ZNF566: variants seen among roughly 807,000 people sequenced by gnomAD.
ZNF566 encodes zinc finger protein 566.
In ZNF566, 27 loss-of-function variants were observed where a neutral mutation model predicts 32.8. The observed-to-expected ratio is 0.82, with a 90% CI of 0.61 to 1.14. The LOEUF is 1.14. ZNF566 is among the 50% of genes most tolerant of loss of function. ZNF566 has a pLI of 0.00. For missense variants in ZNF566, 402 were observed against 490.4 expected, an observed-to-expected ratio of 0.82 and a Z score of 1.70; for synonymous variants, 154 against 159.5, an observed-to-expected ratio of 0.97 and a Z score of 0.26.
chr19:36,468,911 T>C (rs2033692994), intron 4 of ZNF566, among the ~76,000 whole-genome samples: 2 of 151,274 alleles, frequency 1.3e-5, no homozygotes, highest in Non-Finnish European at 2.9e-5. Context: ...TGGGACCCTG[T>C]TTCAAAAAAA....
At chr19:36,470,358 C>G (rs976348739) in intron 4 of ZNF566, among the ~76,000 whole-genome samples, 1 of 152,170 alleles carries the variant, frequency 6.6e-6, no homozygotes, top group African/African-American at 2.4e-5. Flanking sequence ...TCAGTAATTA[C>G]AAAGCCCATT....
chr19:36,462,989 A>AAAAAC (rs2033514383), intron 4 of ZNF566, among the ~76,000 whole-genome samples: 1 of 141,158 alleles, frequency 7.1e-6, no homozygotes, highest in Non-Finnish European at 1.5e-5. Context: ...AAAAAAAAAA[A>AAAAAC]ATCCCATTTC....
At position 36,446,222 on chromosome 19, in the gene ZNF566, G is replaced by A. The variant is rs2032988931; in HGVS notation, c.*2755C>T. The stretch of plus-strand genomic sequence containing the variant: ...TTATTCAGAAGAAAATTGACAGAGG[G>A]GAGGGAATGAGGAACGGAGAAGGGC... On this transcript the variant is annotated 3_prime_UTR_variant, in exon 5 of 5. Coordinates refer to ENST00000452939, the MANE Select transcript of ZNF566 (RefSeq NM_001145344.1). 1 of 151,796 alleles carries A rather than the reference G, an allele frequency of 6.6e-6. No individual in the cohort carries two copies. The highest frequency in any genetic ancestry group is 2.4e-5 in the African/African-American group (1 of 41,354). 9.4% of individuals were successfully genotyped at this position (151,796 alleles called of 1,614,324 possible).
At chr19:36,482,262 C>T (rs904163443) in intron 1 of ZNF566, among the ~76,000 whole-genome samples, 4 of 152,146 alleles carry the variant, frequency 2.6e-5, no homozygotes, top group Non-Finnish European at 5.9e-5. Flanking sequence ...CCCGCCACCA[C>T]GCCCGGCTAA....
intron 4 of ZNF566, among the ~76,000 whole-genome samples, chr19:36,471,056 A>G (rs1411697872): frequency 6.6e-6 from 1 of 151,188 alleles, no homozygotes; most frequent in African/African-American, 2.4e-5. Flanking sequence ...AAAAAAAAAT[A>G]CAAAAAAATT....
intron 1 of ZNF566, among the ~76,000 whole-genome samples, chr19:36,488,389 T>C (rs2034224923): frequency 6.6e-6 from 1 of 152,194 alleles, no homozygotes; most frequent in African/African-American, 2.4e-5. Flanking sequence ...GCCTCCACAC[T>C]TGGCCTACAA....
chr19:36,460,180 C>A (rs2033426379), intron 4 of ZNF566, among the ~76,000 whole-genome samples: 1 of 152,028 alleles, frequency 6.6e-6, no homozygotes, highest in Admixed American at 6.6e-5. Flanking sequence ...CATCCAAAAT[C>A]ACTCAACATA....
In ZNF566 at chr19:36,448,712, T is replaced by G; in HGVS notation, c.*265A>C. The G allele has an allele frequency of 3.4e-6, 1 of 292,168 alleles. No homozygotes were observed. The highest frequency in any genetic ancestry group is 6.3e-6 in the Non-Finnish European group (1 of 159,058). 18.1% of individuals were successfully genotyped at this position (292,168 alleles called of 1,614,324 possible). ...AGAAAGGTGTTAAAAGTGCTGTCAT[T>G]TTCAGTATGACAGACTGAATTATCT... On this transcript the variant is annotated 3_prime_UTR_variant, in exon 5 of 5. Coordinates refer to ENST00000452939, the MANE Select transcript of ZNF566 (RefSeq NM_001145344.1).
intron 1 of ZNF566, among the ~76,000 whole-genome samples, chr19:36,477,033 C>T (rs1219943503): frequency 2.6e-5 from 4 of 151,412 alleles, no homozygotes; most frequent in Non-Finnish European, 4.4e-5. Flanking sequence ...CTTTTTGAGA[C>T]AGAGTCTCAC....
At chr19:36,466,487 T>G (rs2033617144) in intron 4 of ZNF566, among the ~76,000 whole-genome samples, 1 of 152,194 alleles carries the variant, frequency 6.6e-6, no homozygotes, top group African/African-American at 2.4e-5. Context: ...AGTCTGTGGA[T>G]GCAGAATCCA....
At chr19:36,485,883 G>C (rs1446257121) in intron 1 of ZNF566, among the ~76,000 whole-genome samples, 1 of 151,610 alleles carries the variant, frequency 6.6e-6, no homozygotes, top group Non-Finnish European at 1.5e-5. Context: ...GTGAAACCCT[G>C]TCTCTGCTAA....
intron 1 of ZNF566, among the ~76,000 whole-genome samples, chr19:36,479,648 T>C (rs2033976950): frequency 6.6e-6 from 1 of 152,134 alleles, no homozygotes; most frequent in Non-Finnish European, 1.5e-5. Flanking sequence ...TTTGTTTTTG[T>C]TTTTGAATCA....
At chr19:36,452,276 A>G (rs2033177312) in intron 4 of ZNF566, among the ~76,000 whole-genome samples, 1 of 151,976 alleles carries the variant, frequency 6.6e-6, no homozygotes, top group South Asian at 2.1e-4. Flanking sequence ...TCAGTTACCC[A>G]TAGAGAAAGA....
intron 4 of ZNF566, among the ~76,000 whole-genome samples, chr19:36,455,097 C>A (rs775408509): frequency 6.6e-6 from 1 of 152,080 alleles, no homozygotes; most frequent in South Asian, 2.1e-4. Flanking sequence ...ATGTGATACA[C>A]CACATCCTAA....
At chr19:36,482,837 T>G (rs574934373) in intron 1 of ZNF566, among the ~76,000 whole-genome samples, 1 of 152,314 alleles carries the variant, frequency 6.6e-6, no homozygotes, top group African/African-American at 2.4e-5. Flanking sequence ...AGGTACTAAG[T>G]GTTTTTGTTC....
At chr19:36,467,445 A>G (rs1356721356) in intron 4 of ZNF566, among the ~76,000 whole-genome samples, 1 of 150,186 alleles carries the variant, frequency 6.7e-6, no homozygotes, top group African/African-American at 2.5e-5. Flanking sequence ...AAAAAAAAAA[A>G]AAAAAAAAGA....
intron 4 of ZNF566, 80 bp downstream of exon 4, chr19:36,472,831 G>T: frequency 8.6e-7 from 1 of 1,165,738 alleles, no homozygotes; most frequent in Non-Finnish European, 1.2e-6. Context: ...AAGCCTGTGA[G>T]GAGAGTTTCC....
chr19:36,452,079 T>A (rs369760399), intron 4 of ZNF566, among the ~76,000 whole-genome samples: 11 of 149,108 alleles, frequency 7.4e-5, no homozygotes, highest in African/African-American at 2.7e-4. Context: ...ACCCCTTGAC[T>A]CGTTAAAAAA....
Position 36,473,385 on chromosome 19 carries a change from C to T in ZNF566, c.83G>A (p.Arg28Lys). 1 of 1,613,796 alleles carries T rather than the reference C, an allele frequency of 6.2e-7. No individual in the cohort carries two copies. Among genetic ancestry groups the T allele is most frequent in the South Asian group, 1.1e-5 (1 of 91,040 alleles). ...EEWECLNDDQRDLYRDVMLEN... is the reference protein window; with the variant it reads ...EEWECLNDDQKDLYRDVMLEN... ...CAACATCACATCTCTGTATAAATCT[C>T]TCTGATCATCATTCAGGCATTCCCA... is the stretch of plus-strand genomic sequence containing the variant. Residue 28 changes from arginine to lysine, a missense_variant, in exon 3 of 5, where the codon AGA becomes AAA. By Grantham distance (26) the Arg-to-Lys change is conservative (BLOSUM62 2). This residue lies in a region of ZNF566 where 220 missense variants were observed against 241.9 expected (regional missense o/e 0.91). Transcript: ENST00000452939.
Sources: allele counts gnomAD v4.1 joint callset (sites outside exome capture counted in the v4.1 genomes callset), GRCh38; gene constraint gnomAD v4.1.1; regional missense constraint gnomAD v4.1.1; transcripts MANE v1.5; gene names NCBI Gene and HGNC (gene_info 2026-07-23, HGNC 2026-07-21).